The following SUMF1 variants were observed in gnomAD, a reference collection of about 807,000 sequenced individuals.
The protein encoded by SUMF1 is formylglycine-generating enzyme.
A neutral mutation model predicts 47.6 loss-of-function variants in SUMF1; 48 were observed. That is an observed-to-expected ratio of 1.01 (90% confidence interval 0.80 to 1.28). The LOEUF (loss-of-function observed/expected upper bound fraction) is 1.28, where lower values mean the gene tolerates loss of function less well. Ranked by LOEUF, SUMF1 falls within the 50% of genes most tolerant of loss-of-function variation. The pLI is 0.00. For missense variants in SUMF1, 571 were observed against 485.4 expected, an observed-to-expected ratio of 1.18 and a Z score of -1.66; for synonymous variants, 230 against 192.1, an observed-to-expected ratio of 1.20 and a Z score of -1.63.
At chr3:4,246,298 C>A (rs566704318) in intron 8 of SUMF1, among the ~76,000 whole-genome samples, 4 of 152,068 alleles carry the variant, frequency 2.6e-5, no homozygotes, top group Non-Finnish European at 4.4e-5. Flanking sequence ...TGAGATGAAC[C>A]AGGTACCTCA....
intron 7 of SUMF1, among the ~76,000 whole-genome samples, chr3:4,401,272 C>A (rs1279045155): frequency 6.6e-6 from 1 of 152,112 alleles, no homozygotes; most frequent in Non-Finnish European, 1.5e-5. Flanking sequence ...CCACAATAAA[C>A]ATACGTGTGC....
intron 8 of SUMF1, among the ~76,000 whole-genome samples, chr3:4,165,606 C>T (rs1001196550): frequency 3.3e-5 from 5 of 152,056 alleles, no homozygotes; most frequent in African/African-American, 1.2e-4. Context: ...ACTCCATTTG[C>T]CTTCCCTCTT....
At chr3:4,242,302 C>A (rs1442784469) in intron 8 of SUMF1, among the ~76,000 whole-genome samples, 2 of 152,114 alleles carry the variant, frequency 1.3e-5, no homozygotes, top group South Asian at 4.1e-4. Flanking sequence ...GTCAGAACTT[C>A]CAATATTAAG....
chr3:4,174,208 T>C (rs141327092), intron 8 of SUMF1, among the ~76,000 whole-genome samples: 218 of 151,334 alleles, frequency 1.4e-3, no homozygotes, highest in African/African-American at 5.0e-3. Flanking sequence ...TACAAAAAAT[T>C]AGCCAGGCAT....
intron 8 of SUMF1, among the ~76,000 whole-genome samples, chr3:4,097,416 G>T (rs189812891): frequency 6.6e-5 from 10 of 151,980 alleles, no homozygotes; most frequent in Non-Finnish European, 5.9e-5. Flanking sequence ...AGCCAGGCGT[G>T]GGGGCAGGTG....
chr3:4,296,774 AATG>A (rs201560942), intron 8 of SUMF1, among the ~76,000 whole-genome samples: 1 of 151,650 alleles, frequency 6.6e-6, no homozygotes, highest in African/African-American at 2.4e-5. Context: ...CACACTGTCT[AATG>A]ATAATAATGG....
At chr3:4,088,552 TATA>T (rs1402556728) in intron 8 of SUMF1, among the ~76,000 whole-genome samples, 20 of 152,240 alleles carry the variant, frequency 1.3e-4, no homozygotes, top group African/African-American at 4.1e-4. Context: ...TTATTTTGTC[TATA>T]ATATTTATCA....
intron 2 of SUMF1, among the ~76,000 whole-genome samples, chr3:4,451,458 T>C (rs1392594747): frequency 6.6e-6 from 1 of 152,220 alleles, no homozygotes; most frequent in Non-Finnish European, 1.5e-5. Flanking sequence ...TCTTTGCCAT[T>C]AAAAGTAATG....
chr3:4,059,100 T>C (rs1344355380), intron 9 of SUMF1, among the ~76,000 whole-genome samples: 3 of 152,136 alleles, frequency 2.0e-5, no homozygotes, highest in African/African-American at 7.2e-5. Context: ...TGAGCTTTCA[T>C]GGGACAGATT....
chr3:4,415,882 T>C (rs570697722), intron 6 of SUMF1, among the ~76,000 whole-genome samples: 49 of 152,208 alleles, frequency 3.2e-4, no homozygotes, highest in Non-Finnish European at 6.5e-4. Flanking sequence ...GCCCGCCTTC[T>C]GCCTTCTGCC....
chr3:4,079,082 C>T (rs1692502665), intron 8 of SUMF1, among the ~76,000 whole-genome samples: 1 of 152,050 alleles, frequency 6.6e-6, no homozygotes, highest in Non-Finnish European at 1.5e-5. Context: ...CTGCGTGAGT[C>T]GCCTCACAGT....
At chr3:4,338,962 C>A (rs934435783) in intron 8 of SUMF1, among the ~76,000 whole-genome samples, 2 of 152,182 alleles carry the variant, frequency 1.3e-5, no homozygotes, top group Non-Finnish European at 2.9e-5. Flanking sequence ...CTCGCCAGTG[C>A]TGAATGGGTA....
chr3:4,178,219 C>A (rs1008223944), intron 8 of SUMF1, among the ~76,000 whole-genome samples: 1 of 152,146 alleles, frequency 6.6e-6, no homozygotes, highest in Non-Finnish European at 1.5e-5. Context: ...GATACCAAAG[C>A]CTGGCAGAGA....
intron 8 of SUMF1, among the ~76,000 whole-genome samples, chr3:4,237,099 A>G (rs1164176915): frequency 9.9e-5 from 15 of 152,160 alleles, no homozygotes. Context: ...GCTAAATAAT[A>G]TCACATCATA....
At chr3:4,122,480 G>T (rs769856240) in intron 8 of SUMF1, among the ~76,000 whole-genome samples, 1 of 152,066 alleles carries the variant, frequency 6.6e-6, no homozygotes, top group South Asian at 2.1e-4. Flanking sequence ...ACCAGATAGA[G>T]GCAGTGGTTT....
Position 4,467,049 on chromosome 3 carries a change from G to C in SUMF1, c.197C>G (p.Ala66Gly). Residue 66 changes from alanine to glycine, a missense_variant, in exon 1 of 9, where the codon GCC (alanine) becomes GGC (glycine). Transcript: ENST00000272902. ...QRPGAHGSSA[A>G]AHRYSREANA... is the part of the protein sequence containing the mutation. ...AGCCTCCCGCGAGTATCGGTGAGCG[G>C]CTGCCGAACTGCCATGGGCGCCAGG... The C allele has an allele frequency of 6.4e-7, 1 of 1,570,794 alleles. No homozygotes were observed. The highest frequency in any genetic ancestry group is 8.6e-7 in the Non-Finnish European group (1 of 1,159,472).
intron 8 of SUMF1, among the ~76,000 whole-genome samples, chr3:4,109,733 T>G (rs2125068390): frequency 6.6e-6 from 1 of 152,278 alleles, no homozygotes; most frequent in African/African-American, 2.4e-5. Context: ...CTGAGGCTTG[T>G]GCATTTGTCA....
chr3:4,427,776 T>C (rs1306062468), intron 3 of SUMF1, among the ~76,000 whole-genome samples: 5 of 152,178 alleles, frequency 3.3e-5, no homozygotes, highest in Non-Finnish European at 5.9e-5. Flanking sequence ...AAACATTTCA[T>C]GTCCTTAAGA....
At chr3:4,156,608 T>G (rs1322785565) in intron 8 of SUMF1, among the ~76,000 whole-genome samples, 1 of 151,698 alleles carries the variant, frequency 6.6e-6, no homozygotes, top group African/African-American at 2.4e-5. Context: ...TTCTGGGTGT[T>G]AATCCCACAA....
Sources: gnomAD v4.1 joint callset for allele counts (sites outside exome capture counted in the v4.1 genomes callset) on GRCh38, gnomAD v4.1.1 for gene constraint, MANE v1.5 for transcripts, NCBI Gene and HGNC (gene_info 2026-07-23, HGNC 2026-07-21) for gene names.